The following SEMA4G variants were observed in gnomAD, a reference collection of about 807,000 sequenced individuals.
The protein encoded by SEMA4G is semaphorin-4G.
Under a neutral mutation model 81.2 loss-of-function variants are expected in SEMA4G, and 59 were observed. The ratio of observed to expected loss-of-function variants is 0.73; its 90% CI spans 0.59 to 0.90. The LOEUF (loss-of-function observed/expected upper bound fraction) is 0.90. Ranked by LOEUF, SEMA4G falls within the 40% of genes least tolerant of loss-of-function variation. SEMA4G has a pLI of 0.00. For synonymous variants in SEMA4G, 404 were observed against 433.9 expected (o/e 0.93, Z 0.86); for missense variants, 952 against 1,102.3 (o/e 0.86, Z 1.93).
At chr10:100,969,902 G>A (rs1231401511), upstream of SEMA4G, 2 of 455,794 alleles carry the variant, frequency 4.4e-6, no homozygotes, top group Non-Finnish European at 8.8e-6. Context: ...GCTTGTCCTC[G>A]AGCTGCAGCA....
intron 7 of SEMA4G, 28 bp downstream of exon 8, chr10:100,979,046 G>A (rs1850929934): frequency 6.2e-7 from 1 of 1,613,398 alleles, no homozygotes; most frequent in East Asian, 2.2e-5. Context: ...TGGGGCACGG[G>A]TATAGAGGCT....
intron 3 of SEMA4G, chr10:100,974,861 C>T (rs1236163829): frequency 5.7e-5 from 23 of 404,148 alleles, no homozygotes; most frequent in Non-Finnish European, 1.1e-4. Flanking sequence ...CTTGTAATCT[C>T]AACACTTTGG....
chr10:100,983,781 T>G lies in SEMA4G; in HGVS notation c.2167T>G (p.Ser723Ala), dbSNP rs1851263063. Reference sequence around the variant, plus strand: ...GGGTCGGGCCAGCCGGGCAGGAGGATCTGCGGTGCAACTGCAGACAGTCTC... The same window carrying G: ...GGGTCGGGCCAGCCGGGCAGGAGGAGCTGCGGTGCAACTGCAGACAGTCTC... Residue 723 changes from serine (S) to alanine (A), a missense_variant, in exon 14 of 14, where the codon TCT (serine) becomes GCT (alanine). Ser to Ala is a moderately conservative substitution (Grantham distance 99). Coordinates refer to ENST00000370250, the Ensembl canonical transcript of SEMA4G. 1.9e-6 allele frequency: 3 copies of G among 1,608,430 alleles called. No individual in the cohort carries two copies. The Admixed American group carries it at 5.1e-5, about 27-fold the overall frequency.
At chr10:100,979,742 A>G (rs950021390) in intron 8 of SEMA4G, 106 bp from the exon 10 acceptor site, 6 of 1,315,370 alleles carry the variant, frequency 4.6e-6, no homozygotes, top group Non-Finnish European at 6.4e-6. Flanking sequence ...CTGTGGGACT[A>G]TAGCTGGGGT....
At chr10:100,977,867 C>T in intron 4 of SEMA4G, 137 bp downstream of exon 5, 1 of 718,568 alleles carries the variant, frequency 1.4e-6, no homozygotes, top group Non-Finnish European at 2.4e-6. Flanking sequence ...CAGGGCACTC[C>T]AGTGGCGGCG....
upstream of SEMA4G, among the ~76,000 whole-genome samples, chr10:100,971,244 C>T (rs1483121761): frequency 2.0e-5 from 3 of 152,206 alleles, no homozygotes; most frequent in African/African-American, 7.2e-5. Context: ...GGGCATGTTC[C>T]TCCTAGCCAT....
chr10:100,974,782 C>T (rs904003565), intron 3 of SEMA4G, among the ~76,000 whole-genome samples: 1 of 152,096 alleles, frequency 6.6e-6, no homozygotes, highest in Non-Finnish European at 1.5e-5. Context: ...CCATGTCTGG[C>T]TAGGTAATGG....
At chr10:100,979,891 G>A in exon 9 of SEMA4G, 1 of 1,614,084 alleles carries the variant, frequency 6.2e-7, no homozygotes, top group Non-Finnish European at 8.5e-7. Flanking sequence ...TGACCTGGCA[G>A]AGATCCAGGC....
exon 14 of SEMA4G, chr10:100,984,707 G>T: frequency 6.5e-7 from 1 of 1,536,122 alleles, no homozygotes; most frequent in South Asian, 1.2e-5. Flanking sequence ...CTGGACTTGG[G>T]GTACCCTCCC....
chr10:100,975,376 T>C (rs540741319), intron 3 of SEMA4G, among the ~76,000 whole-genome samples: 1 of 152,334 alleles, frequency 6.6e-6, no homozygotes, highest in South Asian at 2.1e-4. Context: ...CAAAGCATGT[T>C]CTGAGGAACA....
At chr10:100,980,678 C>A in exon 11 of SEMA4G, 1 of 1,613,602 alleles carries the variant, frequency 6.2e-7, no homozygotes, top group South Asian at 1.1e-5. Context: ...AAAATCTAGT[C>A]ATCTCTCTAT....
intron 3 of SEMA4G, among the ~76,000 whole-genome samples, chr10:100,977,040 G>A (rs1171922342): frequency 1.3e-5 from 2 of 152,282 alleles, no homozygotes; most frequent in East Asian, 3.9e-4. Context: ...GGGTGAGGAA[G>A]TAGGAAGCAG....
chr10:100,970,440 GCCT>G (rs1011894874), upstream of SEMA4G, among the ~76,000 whole-genome samples: 1 of 151,978 alleles, frequency 6.6e-6, no homozygotes, highest in Non-Finnish European at 1.5e-5. Flanking sequence ...GAAGCTAGGG[GCCT>G]CCTCCTGCCT....
At chr10:100,970,500 C>CCAT (rs961847287), upstream of SEMA4G, among the ~76,000 whole-genome samples, 1 of 152,050 alleles carries the variant, frequency 6.6e-6, no homozygotes, top group African/African-American at 2.4e-5. Context: ...TTGACTCATG[C>CCAT]ACCCATCCCA....
rs1014920597 is a variant in SEMA4G, at chr10:100,973,356, C to T, written c.273+79C>T. The T allele has an allele frequency of 1.2e-5, 19 of 1,561,550 alleles. No homozygotes were observed. Among genetic ancestry groups the T allele is most frequent in the African/African-American group, 2.7e-5 (2 of 73,660 alleles). Reference sequence around the variant, plus strand: ...CTGGGACCTCAACTTCCTTAAAACCCTGCCAGCCTTCCATAGCCCCCTGGT... The same window carrying T: ...CTGGGACCTCAACTTCCTTAAAACCTTGCCAGCCTTCCATAGCCCCCTGGT... On this transcript the variant is annotated intron_variant, in intron 2 of 13. Coordinates refer to ENST00000370250, the Ensembl canonical transcript of SEMA4G. The surrounding 1 kb of genome is among the most constrained non-coding windows in gnomAD (Gnocchi z 5.5).
intron 6 of SEMA4G, 59 bp downstream of exon 7, chr10:100,978,699 C>G: frequency 1.9e-6 from 3 of 1,572,260 alleles, no homozygotes; most frequent in Non-Finnish European, 2.6e-6. Flanking sequence ...CATTTTTACT[C>G]CCTTGGCCAG....
At chr10:100,984,969 T>G, downstream of SEMA4G, 1 of 1,394,844 alleles carries the variant, frequency 7.2e-7, no homozygotes, top group Non-Finnish European at 9.4e-7. Flanking sequence ...GTGCTTACAT[T>G]TCCACTCACA....
At chr10:100,975,831 C>T (rs1321192688) in intron 3 of SEMA4G, among the ~76,000 whole-genome samples, 1 of 151,996 alleles carries the variant, frequency 6.6e-6, no homozygotes, top group Non-Finnish European at 1.5e-5. Flanking sequence ...ACCCGGGAGG[C>T]GGAGGTTGCA....
intron 3 of SEMA4G, among the ~76,000 whole-genome samples, chr10:100,976,659 T>C (rs1850800176): frequency 6.6e-6 from 1 of 152,116 alleles, no homozygotes; most frequent in South Asian, 2.1e-4. Flanking sequence ...TGGAAAGTGG[T>C]TGGAGAGTAG....
Sources: gnomAD v4.1 joint callset for allele counts (sites outside exome capture counted in the v4.1 genomes callset) on GRCh38, gnomAD v4.1.1 for gene constraint, Gnocchi (gnomAD v3.1) non-coding constraint, MANE v1.5 for transcripts, NCBI Gene and HGNC (gene_info 2026-07-23, HGNC 2026-07-21) for gene names.